The following ADARB2 variants were observed in gnomAD, a reference collection of about 807,000 sequenced individuals.
ADARB2 encodes the protein adenosine deaminase RNA specific B2 (inactive).
In ADARB2, 25 loss-of-function variants were observed where a neutral mutation model predicts 62.2. The observed-to-expected ratio is 0.40, with a 90% CI of 0.29 to 0.56. ADARB2 has a LOEUF of 0.56. Ranked by LOEUF, ADARB2 falls within the 20% of genes least tolerant of loss-of-function variation. The pLI is 0.43. For missense variants in ADARB2, 1,071 were observed against 1,077.4 expected (o/e 0.99, Z 0.08); for synonymous variants, 572 against 500.8 (o/e 1.14, Z -1.90).
At chr10:1,501,478 G>A (rs1230847155) in intron 1 of ADARB2, among the ~76,000 whole-genome samples, 2 of 152,172 alleles carry the variant, frequency 1.3e-5, no homozygotes, top group Non-Finnish European at 2.9e-5. Flanking sequence ...AGTCACTGGA[G>A]GTGGAACTCA....
At chr10:1,287,642 T>C (rs1157423562) in intron 3 of ADARB2, among the ~76,000 whole-genome samples, 3 of 152,236 alleles carry the variant, frequency 2.0e-5, no homozygotes, top group African/African-American at 7.2e-5. Context: ...ATTACACATA[T>C]ATCAGCTGTT....
chr10:1,700,737 A>G (rs368401557), intron 1 of ADARB2, among the ~76,000 whole-genome samples: 1 of 1,566 alleles, frequency 6.4e-4, no homozygotes, highest in African/African-American at 7.2e-4. Context: ...CCACTCCACC[A>G]GGAGACCGGG....
At chr10:1,620,860 A>G (rs1833696339) in intron 1 of ADARB2, among the ~76,000 whole-genome samples, 1 of 152,222 alleles carries the variant, frequency 6.6e-6, no homozygotes, top group Admixed American at 6.5e-5. Flanking sequence ...AAGATCAGAC[A>G]CCTGATTATC....
At chr10:1,332,034 C>T (rs1160696943) in intron 3 of ADARB2, among the ~76,000 whole-genome samples, 1 of 152,214 alleles carries the variant, frequency 6.6e-6, no homozygotes, top group Non-Finnish European at 1.5e-5. Flanking sequence ...TGACAGGGCT[C>T]AGGGTGCCAT....
intron 1 of ADARB2, among the ~76,000 whole-genome samples, chr10:1,713,326 TACCACAGA>T (rs988169842): frequency 1.1e-4 from 17 of 152,166 alleles, no homozygotes; most frequent in African/African-American, 4.1e-4. Flanking sequence ...CCAACCACCT[TACCACAGA>T]ACTGTCTCGC....
chr10:1,556,567 C>A, intron 1 of ADARB2: 1 of 418,864 alleles, frequency 2.4e-6, no homozygotes. Context: ...ACTCCATGGT[C>A]TGGGGAGGGC....
intron 1 of ADARB2, among the ~76,000 whole-genome samples, chr10:1,659,152 A>G (rs1834211456): frequency 6.6e-6 from 1 of 152,110 alleles, no homozygotes; most frequent in African/African-American, 2.4e-5. Flanking sequence ...GGTGTAACAC[A>G]GGGGACTGGA....
intron 3 of ADARB2, among the ~76,000 whole-genome samples, chr10:1,335,610 CTGCT>C (rs1240695524): frequency 6.6e-6 from 1 of 152,172 alleles, no homozygotes; most frequent in Non-Finnish European, 1.5e-5. Flanking sequence ...GAAGGCTTGA[CTGCT>C]TGCAAGCCAC....
rs369552811 is a variant in ADARB2, at chr10:1,628,340, C to T, written c.100+108711G>A. 2.3e-4 allele frequency among the ~76,000 whole-genome samples: 35 copies of T among 152,324 alleles called. No individual in the cohort carries two copies. In the South Asian group the frequency reaches 5.6e-3, roughly 24 times the overall value. On this transcript the variant is annotated intron_variant, in intron 1 of 9. Transcript: ENST00000381312. ...TTTCTACCGATGTTAGGCTGCGTTA[C>T]GATCGGCATTCACTGTTCAGCGCTT...
intron 1 of ADARB2, among the ~76,000 whole-genome samples, chr10:1,588,415 A>T (rs75674894): frequency 6.6e-6 from 1 of 152,162 alleles, no homozygotes; most frequent in Non-Finnish European, 1.5e-5. Flanking sequence ...AATATAAGGA[A>T]CTTGATAGGC....
intron 1 of ADARB2, among the ~76,000 whole-genome samples, chr10:1,440,171 TTC>T (rs1319047325): frequency 1.3e-5 from 2 of 151,800 alleles, no homozygotes; most frequent in African/African-American, 2.4e-5. Flanking sequence ...ACTATGGGGC[TTC>T]TGAGTCTCCC....
chr10:1,670,456 T>C (rs908489548), intron 1 of ADARB2, among the ~76,000 whole-genome samples: 1 of 152,208 alleles, frequency 6.6e-6, no homozygotes, highest in African/African-American at 2.4e-5. Flanking sequence ...CAGTAAGATT[T>C]TGGCTATTGG....
intron 1 of ADARB2, among the ~76,000 whole-genome samples, chr10:1,558,585 C>A (rs377282585): frequency 4.5e-5 from 6 of 132,540 alleles, no homozygotes; most frequent in Non-Finnish European, 8.3e-5. Context: ...CCTCTGTCCC[C>A]TTCTGTGGGT....
intron 1 of ADARB2, among the ~76,000 whole-genome samples, chr10:1,727,250 C>G (rs981898368): frequency 2.6e-5 from 4 of 152,072 alleles, no homozygotes; most frequent in Non-Finnish European, 5.9e-5. Flanking sequence ...TGAGAAATCC[C>G]AACAAAGGAG....
chr10:1,612,734 T>A (rs1488025531), intron 1 of ADARB2, among the ~76,000 whole-genome samples: 1 of 152,202 alleles, frequency 6.6e-6, no homozygotes, highest in African/African-American at 2.4e-5. Context: ...TATCTTGTTA[T>A]TTATTTGTTT....
At chr10:1,702,322 A>G (rs1351226613) in intron 1 of ADARB2, among the ~76,000 whole-genome samples, 2 of 152,240 alleles carry the variant, frequency 1.3e-5, no homozygotes, top group African/African-American at 2.4e-5. Flanking sequence ...CCCATTCATT[A>G]GATGGAATTA....
chr10:1,492,616 G>A (rs34632150), intron 1 of ADARB2, among the ~76,000 whole-genome samples: 24,987 of 152,008 alleles, frequency 0.16, 2,348 homozygotes, highest in Middle Eastern at 0.23. Flanking sequence ...GCCCTAGAAG[G>A]CTAATAGGTG....
At chr10:1,702,758 T>G (rs1209950160) in intron 1 of ADARB2, among the ~76,000 whole-genome samples, 1 of 152,200 alleles carries the variant, frequency 6.6e-6, no homozygotes, top group Non-Finnish European at 1.5e-5. Context: ...TCGCTGATTT[T>G]CTCCCACAAG....
At chr10:1,417,212 C>A (rs566898508) in intron 1 of ADARB2, among the ~76,000 whole-genome samples, 1 of 151,494 alleles carries the variant, frequency 6.6e-6, no homozygotes, top group African/African-American at 2.4e-5. Flanking sequence ...GAAGTGTAGA[C>A]CAAGACAGTC....
Sources: allele counts gnomAD v4.1 joint callset (sites outside exome capture counted in the v4.1 genomes callset), GRCh38; gene constraint gnomAD v4.1.1; transcripts MANE v1.5; gene names NCBI Gene and HGNC (gene_info 2026-07-23, HGNC 2026-07-21).